The following ZBTB25 variants were observed in gnomAD, a reference collection of about 807,000 sequenced individuals.
The protein encoded by ZBTB25 is zinc finger and BTB domain-containing protein 25.
In ZBTB25, 20 loss-of-function variants were observed where a neutral mutation model predicts 34.2. The observed-to-expected ratio is 0.58, with a 90% confidence interval of 0.41 to 0.85. ZBTB25 has a LOEUF of 0.85. Ranked by LOEUF, ZBTB25 falls within the 40% of genes least tolerant of loss-of-function variation. The pLI is 0.00. For synonymous variants in ZBTB25, 175 were observed against 186.4 expected, an observed-to-expected ratio of 0.94 and a Z score of 0.50; for missense variants, 437 against 521.8, an observed-to-expected ratio of 0.84 and a Z score of 1.58.
chr14:64,503,418 C>T (rs559609535), intron 1 of ZBTB25: 1 of 985,462 alleles, frequency 1.0e-6, no homozygotes, highest in South Asian at 4.7e-5. Context: ...TGAATCAGGC[C>T]CCGGCAGCCG....
rs759447470 is a variant in ZBTB25 at position 64,487,090 on chromosome 14, A to G, written c.1141T>C (p.Cys381Arg). ...GCCAATGCATTACCAAACCTTTGGC[A>G]TCGGTTATATCTGTAAGATTTACCT... ...HKGKSYRYNR[C>R]QRFGNALAQR... Residue 381 changes from cysteine to arginine, a missense_variant, in exon 3 of 3, where the codon TGC becomes CGC. Cys to Arg is a radical substitution (Grantham distance 180). Coordinates refer to ENST00000608382, the MANE Select transcript of ZBTB25 (RefSeq NM_006977.5). 1 of 1,614,256 alleles carries G rather than the reference A, an allele frequency of 6.2e-7. No individual in the cohort carries two copies. Among genetic ancestry groups the G allele is most frequent in the Admixed American group, 1.7e-5 (1 of 60,028 alleles).
downstream of ZBTB25, among the ~76,000 whole-genome samples, chr14:64,477,400 T>G (rs901575128): frequency 1.3e-5 from 2 of 152,200 alleles, no homozygotes; most frequent in Non-Finnish European, 2.9e-5. Flanking sequence ...AAAAAAGGAC[T>G]CTTCCCTTTA....
chr14:64,503,675 G>T lies in ZBTB25; in HGVS notation c.-22C>A. 1 of 938,122 alleles carries T rather than the reference G, an allele frequency of 1.1e-6. No homozygotes were observed. The highest frequency in any genetic ancestry group is 1.3e-6 in the Non-Finnish European group (1 of 786,884). 58.1% of individuals were successfully genotyped at this position (938,122 alleles called of 1,614,324 possible). A position where few individuals can be genotyped will look rare whatever the true frequency, so the allele number is the denominator to read the frequency against. On this transcript the variant is annotated 5_prime_UTR_variant, in exon 1 of 3. Coordinates refer to ENST00000608382, the MANE Select transcript of ZBTB25 (RefSeq NM_006977.5). ...GCGTCGCTTACCCAGATGCCGCCGC[G>T]GCGGCAGGCCGACTCCTCCGTGCAG...
intron 2 of ZBTB25, chr14:64,462,155 A>C (rs550347458): frequency 6.6e-6 from 1 of 152,318 alleles, no homozygotes; most frequent in African/African-American, 2.4e-5. Context: ...TTTTTTGTAG[A>C]GATGGGGTCT....
At chr14:64,464,731 T>C (rs1377689161) in intron 2 of ZBTB25, among the ~76,000 whole-genome samples, 1 of 152,184 alleles carries the variant, frequency 6.6e-6, no homozygotes, top group Non-Finnish European at 1.5e-5. Context: ...AATGCCCTCA[T>C]AGGGAATGTC....
At chr14:64,500,475 A>AAAAAAAAAAGAG (rs35009526) in intron 1 of ZBTB25, among the ~76,000 whole-genome samples, 1 of 70,526 alleles carries the variant, frequency 1.4e-5, no homozygotes, top group African/African-American at 3.7e-5. Flanking sequence ...AAAAAAAAAA[A>AAAAAAAAAAGAG]AGAGAGAGAG....
chr14:64,461,165 C>T (rs1238689409), intron 2 of ZBTB25: 3 of 152,124 alleles, frequency 2.0e-5, no homozygotes, highest in Admixed American at 6.5e-5. Flanking sequence ...ATCCCACTGG[C>T]GCCAGTGCTA....
In ZBTB25 at chr14:64,486,664, A is replaced by C; in HGVS notation, c.*259T>G. 9.1e-7 allele frequency: 1 copy of C among 1,094,588 alleles called. No homozygotes were observed. The highest frequency in any genetic ancestry group is 1.1e-6 in the Non-Finnish European group (1 of 885,266). 67.8% of individuals were successfully genotyped at this position (1,094,588 alleles called of 1,614,324 possible). A position where few individuals can be genotyped will look rare whatever the true frequency, so the allele number is the denominator to read the frequency against. Reference sequence around the variant, plus strand: ...CTATAAATAACTATTTAAGGTTTCCATATTTCTACATTGATTTCTGATTTC... The same window carrying C: ...CTATAAATAACTATTTAAGGTTTCCCTATTTCTACATTGATTTCTGATTTC... On this transcript the variant is annotated 3_prime_UTR_variant, in exon 3 of 3. Transcript: ENST00000608382.
chr14:64,459,681 A>G, intron 2 of ZBTB25: 2 of 1,232,766 alleles, frequency 1.6e-6, no homozygotes, highest in East Asian at 2.6e-5. Context: ...TGAGTGGGTA[A>G]TGGTGCAGTA....
At chr14:64,467,969 T>C (rs753616143) in intron 2 of ZBTB25, 2 of 153,948 alleles carry the variant, frequency 1.3e-5, no homozygotes, top group African/African-American at 4.8e-5. Flanking sequence ...CTGAACTCTT[T>C]AATAGGGCCA....
intron 1 of ZBTB25, among the ~76,000 whole-genome samples, chr14:64,493,729 G>T (rs1451391358): frequency 6.6e-6 from 1 of 151,802 alleles, no homozygotes; most frequent in Non-Finnish European, 1.5e-5. Flanking sequence ...CATTCCTTCA[G>T]ATTACATTTT....
chr14:64,497,741 T>G (rs2079327218), intron 1 of ZBTB25, among the ~76,000 whole-genome samples: 1 of 152,234 alleles, frequency 6.6e-6, no homozygotes, highest in Non-Finnish European at 1.5e-5. Flanking sequence ...TATCTTTGAT[T>G]CTTATGTATT....
rs549865557 is a variant in ZBTB25, at chr14:64,480,231, G to A, written c.*6692C>T. 8 of 273,562 alleles carry A rather than the reference G, an allele frequency of 2.9e-5. No individual in the cohort carries two copies. The highest frequency in any genetic ancestry group is 1.4e-4 in the East Asian group (1 of 7,210). 16.9% of individuals were successfully genotyped at this position (273,562 alleles called of 1,614,324 possible). On this transcript the variant is annotated 3_prime_UTR_variant, in exon 3 of 3. Coordinates refer to ENST00000608382, the MANE Select transcript of ZBTB25 (RefSeq NM_006977.5). ...TCAGCTACTCGGGAGGCTGAGGCAG[G>A]AGAATAGCTTGAACCTGGGATGTGA...
At chr14:64,475,919 A>C (rs2078715707), downstream of ZBTB25, among the ~76,000 whole-genome samples, 1 of 152,210 alleles carries the variant, frequency 6.6e-6, no homozygotes. Context: ...AAACTCAAAA[A>C]GAACTTTTGG....
chr14:64,498,779 G>A (rs1017398392), intron 1 of ZBTB25, among the ~76,000 whole-genome samples: 1 of 151,800 alleles, frequency 6.6e-6, no homozygotes, highest in Admixed American at 6.6e-5. Context: ...GACTACAGGC[G>A]CCCACCACCA....
At position 64,490,579 on chromosome 14, in the gene ZBTB25, T is replaced by C. The variant is rs756513677; in HGVS notation, c.-7-39A>G. ...CAAGATAAATGTAGATAGGTGTGTATGTATATACGCATTATTTTTTATTAA... is the reference window on the plus strand; with the variant it reads ...CAAGATAAATGTAGATAGGTGTGTACGTATATACGCATTATTTTTTATTAA... On this transcript the variant is annotated intron_variant, in intron 1 of 2. Transcript: ENST00000608382. 75 of 1,513,280 alleles carry C rather than the reference T, an allele frequency of 5.0e-5. No homozygotes were observed. The East Asian group carries it at 1.7e-3, about 33-fold the overall frequency. 93.7% of individuals were successfully genotyped at this position (1,513,280 alleles called of 1,614,324 possible).
rs183656455 is a variant in ZBTB25 at position 64,454,701 on chromosome 14, C to T, written c.174-5063G>A. On this transcript the variant is annotated intron_variant, in intron 2 of 2. Transcript: ENST00000555220. ...GTTGTCATCTTTTCATTTGTCCTCC[C>T]TCTCTTCCCTTCTTTCCCCAGGGCT... The T allele has an allele frequency of 3.8e-4, 610 of 1,606,664 alleles. 1 individual carries two copies. The African/African-American group carries it at 6.9e-3, about 18-fold the overall frequency.
chr14:64,452,918 G>C (rs1358149928), intron 2 of ZBTB25, among the ~76,000 whole-genome samples: 1 of 151,660 alleles, frequency 6.6e-6, no homozygotes, highest in Non-Finnish European at 1.5e-5. Flanking sequence ...ACAGAGTGTT[G>C]CTATGTTGCC....
Position 64,482,591 on chromosome 14 carries a change from T to C in ZBTB25, c.*4332A>G, listed in dbSNP as rs2078807084. On this transcript the variant is annotated 3_prime_UTR_variant, in exon 3 of 3. Transcript: ENST00000608382. ...ATTCCCAATAATGCCAAAGAACTAGTATCCTCCTTACTGAAGGCTAAAAAG... is the reference window on the plus strand; with the variant it reads ...ATTCCCAATAATGCCAAAGAACTAGCATCCTCCTTACTGAAGGCTAAAAAG... 1.3e-5 allele frequency: 2 copies of C among 152,260 alleles called. No homozygotes were observed. The highest frequency in any genetic ancestry group is 6.5e-5 in the Admixed American group (1 of 15,280). 9.4% of individuals were successfully genotyped at this position (152,260 alleles called of 1,614,324 possible).
Sources: allele counts gnomAD v4.1 joint callset (sites outside exome capture counted in the v4.1 genomes callset), GRCh38; gene constraint gnomAD v4.1.1; transcripts MANE v1.5; gene names NCBI Gene and HGNC (gene_info 2026-07-23, HGNC 2026-07-21).